HMCN2: variants seen among roughly 807,000 people sequenced by gnomAD.
HMCN2 encodes the protein hemicentin-2.
In HMCN2, 325 loss-of-function variants were observed where a neutral mutation model predicts 377.5. That is an observed-to-expected ratio of 0.86 (90% CI 0.79 to 0.94). The LOEUF is 0.94. HMCN2 is among the 40% of genes least tolerant of loss of function. The pLI is 0.00. For missense variants in HMCN2, 4,543 were observed against 4,725.3 expected, an observed-to-expected ratio of 0.96 and a Z score of 1.13; for synonymous variants, 2,007 against 2,046.8, an observed-to-expected ratio of 0.98 and a Z score of 0.53.
At chr9:130,280,954 T>G (rs1265830494) in intron 1 of HMCN2, among the ~76,000 whole-genome samples, 1 of 151,340 alleles carries the variant, frequency 6.6e-6, no homozygotes, top group Non-Finnish European at 1.5e-5. Context: ...AAATACAAAA[T>G]TAGCCGAGCA....
chr9:130,416,951 T>C (rs1460722659), intron 85 of HMCN2, among the ~76,000 whole-genome samples: 1 of 151,898 alleles, frequency 6.6e-6, no homozygotes, highest in East Asian at 1.9e-4. Flanking sequence ...CTCACTCTGT[T>C]GCCCAGGCTG....
At chr9:130,302,190 G>A (rs959499843) in intron 8 of HMCN2, among the ~76,000 whole-genome samples, 6 of 152,082 alleles carry the variant, frequency 3.9e-5, no homozygotes, top group East Asian at 1.9e-4. Context: ...TGGGATTACA[G>A]GAACGCGACA....
Position 130,394,382 on chromosome 9 carries a change from C to G in HMCN2, c.10502-3C>G. On this transcript the variant is annotated splice_region_variant and splice_polypyrimidine_tract_variant and intron_variant, in intron 68 of 97. Transcript: ENST00000683500. The surrounding 1 kb of genome is among the most constrained non-coding windows in gnomAD (Gnocchi z 5.1). ...GTGTGTTCCCCTCCATGGTGGCTTG[C>G]AGAGCCCCCTCACATTGAGGACTCA... 1 of 1,288,324 alleles carries G rather than the reference C, an allele frequency of 7.8e-7. No homozygotes were observed. Among genetic ancestry groups the G allele is most frequent in the South Asian group, 1.2e-5 (1 of 80,892 alleles). 79.8% of individuals were successfully genotyped at this position (1,288,324 alleles called of 1,614,324 possible). A position where few individuals can be genotyped will look rare whatever the true frequency, so the allele number is the denominator to read the frequency against.
intron 61 of HMCN2, among the ~76,000 whole-genome samples, chr9:130,386,977 A>G (rs1203989255): frequency 1.3e-5 from 2 of 152,240 alleles, no homozygotes; most frequent in Non-Finnish European, 2.9e-5. Flanking sequence ...TGGACCTGCC[A>G]TGGATCCCAT....
rs565463258 is a variant in HMCN2, at chr9:130,360,327, T to A, written c.5774-101T>A. The stretch of plus-strand genomic sequence containing the variant: ...CCATTCCCCCTTGCATCTCTCTTCC[T>A]TTCCCCCTTGCATCTCTCTTCCTTT... On this transcript the variant is annotated intron_variant, in intron 37 of 97. Coordinates refer to ENST00000683500, the MANE Select transcript of HMCN2 (RefSeq NM_001291815.2). The surrounding 1 kb of genome is among the most constrained non-coding windows in gnomAD (Gnocchi z 4.7). The A allele has an allele frequency of 4.4e-3, 2,598 of 589,608 alleles. 27 individuals are homozygous for A. The highest frequency in any genetic ancestry group is 0.011 in the Middle Eastern group (14 of 1,254). 36.5% of individuals were successfully genotyped at this position (589,608 alleles called of 1,614,324 possible).
Position 130,427,355 on chromosome 9 carries a change from C to T in HMCN2, c.13922C>T (p.Ser4641Phe), listed in dbSNP as rs927075393. Residue 4641 changes from serine to phenylalanine, a missense_variant, in exon 91 of 98, where the codon TCC (serine) becomes TTC (phenylalanine). By Grantham distance (155) the Ser-to-Phe change is radical (BLOSUM62 -2). Coordinates refer to ENST00000683500, the MANE Select transcript of HMCN2 (RefSeq NM_001291815.2). ...VGCPEGFELD[S>F]QGAFCVDRDE... is the part of the protein sequence containing the mutation. The stretch of plus-strand genomic sequence containing the variant: ...TGCCCCGAGGGCTTTGAGCTGGACT[C>T]CCAGGGAGCGTTTTGTGTGGGTGAG... The T allele has an allele frequency of 6.4e-6, 10 of 1,550,442 alleles. 1 individual carries two copies. The African/African-American group carries it at 1.2e-4, about 19-fold the overall frequency.
At chr9:130,429,773 C>A (rs539636171) in intron 94 of HMCN2, 88 bp downstream of exon 94, 1 of 1,446,258 alleles carries the variant, frequency 6.9e-7, no homozygotes, top group Non-Finnish European at 9.1e-7. Context: ...TGCCTAGTTA[C>A]GGGGACACCC....
chr9:130,430,006 G>A (rs71501137), intron 94 of HMCN2: 17 of 596,208 alleles, frequency 2.9e-5, no homozygotes, highest in Non-Finnish European at 5.0e-5. Flanking sequence ...TTAGGAGAGG[G>A]AATGGATCTA....
At chr9:130,406,526 C>G (rs1843101080) in intron 82 of HMCN2, 1 of 266,324 alleles carries the variant, frequency 3.8e-6, no homozygotes, top group Admixed American at 4.8e-5. Flanking sequence ...CTACCGGAAA[C>G]CCAGGTGATG....
chr9:130,350,842 G>A (rs1464265680), intron 29 of HMCN2, among the ~76,000 whole-genome samples: 2 of 151,902 alleles, frequency 1.3e-5, no homozygotes, highest in African/African-American at 4.8e-5. Flanking sequence ...GGAGGTGGAG[G>A]TTGCAGTGAG....
At chr9:130,313,384 A>G (rs1837367820) in intron 15 of HMCN2, among the ~76,000 whole-genome samples, 3 of 145,992 alleles carry the variant, frequency 2.1e-5, no homozygotes, top group African/African-American at 7.3e-5. Context: ...GCACTGGTGG[A>G]TTACCTTCCG....
In HMCN2 at chr9:130,395,972, C is replaced by T; in HGVS notation, c.10960C>T (p.Gln3654Ter). ...FPERGRFLQL[Q>*]ALSTADSGDY... ...GGAGCGGGGCAGGTTCCTCCAGCTG[C>T]AGGCCCTGAGCACGGCTGACAGCGG... is the stretch of plus-strand genomic sequence containing the variant. The change falls in exon 72 of 98, where the codon CAG becomes TAG. Residue 3654 changes from glutamine (Q) to a stop codon, truncating the protein, a stop_gained. Transcript: ENST00000683500. LOFTEE classifies it high-confidence loss of function. The T allele has an allele frequency of 7.8e-7, 1 of 1,287,602 alleles. No homozygotes were observed. The highest frequency in any genetic ancestry group is 1.2e-5 in the South Asian group (1 of 80,930). 79.8% of individuals were successfully genotyped at this position (1,287,602 alleles called of 1,614,324 possible). A position where few individuals can be genotyped will look rare whatever the true frequency, so the allele number is the denominator to read the frequency against.
rs1834816461 is a variant in HMCN2, at chr9:130,277,841, TCATCACCAC to T, written c.260-6759_260-6751del. The stretch of plus-strand genomic sequence containing the variant: ...ATCATCATCACCACCACCATCATCA[TCATCACCAC>T]CACCACCACCATCATCATCATCACC... On this transcript the variant is annotated intron_variant, in intron 1 of 97. Transcript: ENST00000683500. Among the ~76,000 whole-genome samples the T allele has an allele frequency of 2.2e-4, 6 of 27,590 alleles. 1 individual carries two copies. The highest frequency in any genetic ancestry group is 3.6e-4 in the Non-Finnish European group (5 of 13,934). The allele number at this position is 27,590 out of a possible 152,430, so 18.1% of individuals were successfully genotyped here. A position where few individuals can be genotyped will look rare whatever the true frequency, so the allele number is the denominator to read the frequency against.
At chr9:130,410,692 T>G in intron 85 of HMCN2, 40 bp downstream of exon 85, 1 of 1,533,928 alleles carries the variant, frequency 6.5e-7, no homozygotes, top group South Asian at 1.2e-5. Flanking sequence ...GTGGGAAGTG[T>G]GCTCGGGGAC....
At chr9:130,432,295 C>T (rs1844804575) in intron 96 of HMCN2, 134 bp from the exon 97 acceptor site, 2 of 800,048 alleles carry the variant, frequency 2.5e-6, no homozygotes, top group Non-Finnish European at 2.1e-6. Flanking sequence ...ATGGGTCAGA[C>T]TGGCTGGGGA....
rs1056956405 is a variant in HMCN2, at chr9:130,402,796, G to A, written c.11778G>A (p.Leu3926=). ...CCTGATTCCCACCAACAGGCGCCCT[G>A]GAGATCGGGCAGGCCCTCCCCATCC... ...SGYRVSPSGA[L]EIGQALPIHA... is the part of the protein sequence containing the mutation. Residue 3926 remains leucine (L), a synonymous_variant, in exon 78 of 98, where the codon CTG becomes CTA. Coordinates refer to ENST00000683500, the MANE Select transcript of HMCN2 (RefSeq NM_001291815.2). 5.4e-6 allele frequency: 7 copies of A among 1,289,542 alleles called. No homozygotes were observed. In the African/African-American group the frequency reaches 1.1e-4, roughly 20 times the overall value. The allele number at this position is 1,289,542 out of a possible 1,614,324, so 79.9% of individuals were successfully genotyped here.
At chr9:130,276,690 C>G (rs1834713350) in intron 1 of HMCN2, among the ~76,000 whole-genome samples, 1 of 152,218 alleles carries the variant, frequency 6.6e-6, no homozygotes. Flanking sequence ...GCTCTTGTGC[C>G]ATTGTGTCTG....
Position 130,284,624 on chromosome 9 carries a change from C to T in HMCN2, c.281C>T (p.Thr94Met), listed in dbSNP as rs782100805. 3.6e-5 allele frequency: 17 copies of T among 471,104 alleles called. No individual in the cohort carries two copies. The highest frequency in any genetic ancestry group is 1.8e-4 in the African/African-American group (9 of 50,094). The allele number at this position is 471,104 out of a possible 1,614,324, so 29.2% of individuals were successfully genotyped here. Residue 94 changes from threonine to methionine, a missense_variant, in exon 2 of 98, where the codon ACG becomes ATG. Thr to Met is a moderately conservative substitution (Grantham distance 81). Transcript: ENST00000683500. Reference sequence around the variant, plus strand: ...ACAGATATTGGCCCAGTGACCCTCACGGCGGACCCCACAGTGTTTCAGAGG... The same window carrying T: ...ACAGATATTGGCCCAGTGACCCTCATGGCGGACCCCACAGTGTTTCAGAGG... ...HDPDIGPVTL[T>M]ADPTVFQREL...
intron 46 of HMCN2, 64 bp downstream of exon 46, chr9:130,371,195 C>A (rs748412867): frequency 1.0e-5 from 9 of 898,484 alleles, no homozygotes; most frequent in Non-Finnish European, 1.1e-5. Flanking sequence ...TGACTCTATC[C>A]ATTACATGCC....
Sources: gnomAD v4.1 joint callset for allele counts (sites outside exome capture counted in the v4.1 genomes callset) on GRCh38, gnomAD v4.1.1 for gene constraint, Gnocchi (gnomAD v3.1) non-coding constraint, MANE v1.5 for transcripts, NCBI Gene and HGNC (gene_info 2026-07-23, HGNC 2026-07-21) for gene names.